Variants in KCNQ1 observed in about 807,000 individuals in gnomAD.
KCNQ1 encodes the protein potassium voltage-gated channel subfamily KQT member 1.
Under a neutral mutation model 72.4 loss-of-function variants are expected in KCNQ1, and 49 were observed. That is an observed-to-expected ratio of 0.68 (90% CI 0.54 to 0.86). The LOEUF (loss-of-function observed/expected upper bound fraction) is 0.86. Among genes scored for constraint, KCNQ1 ranks in the 40% least tolerant of loss-of-function variants. The pLI is 0.00. For synonymous variants in KCNQ1, 450 were observed against 412.6 expected, an observed-to-expected ratio of 1.09 and a Z score of -1.10; for missense variants, 790 against 945.1, an observed-to-expected ratio of 0.84 and a Z score of 2.15.
rs1564855456 is a variant in KCNQ1, at chr11:2,678,413, CTATT to C, written c.1514+16338_1514+16341del. The C allele has an allele frequency of 5.0e-6, 2 of 398,574 alleles. No individual in the cohort carries two copies. Among genetic ancestry groups the C allele is most frequent in the South Asian group, 1.3e-4 (1 of 7,860 alleles). 24.7% of individuals were successfully genotyped at this position (398,574 alleles called of 1,614,324 possible). ...CATATATTTGTCCAGTTGTCCAACA[CTATT>C]TATTTGAGTACATCATCATCTCTCT... On this transcript the variant is annotated intron_variant, in intron 11 of 15. Transcript: ENST00000155840. This position sits in a 1 kb window ranked among gnomAD's most constrained non-coding sequence, Gnocchi z 4.9.
chr11:2,650,399 T>A (rs1849739064), intron 10 of KCNQ1: 1 of 398,488 alleles, frequency 2.5e-6, no homozygotes, highest in African/African-American at 2.1e-5. Context: ...TTTTATGGAG[T>A]AGCCTTAGTA....
rs148456739 is a variant in KCNQ1 at position 2,521,994 on chromosome 11, G to A, written c.387-5934G>A. On this transcript the variant is annotated intron_variant, in intron 1 of 15. Coordinates refer to ENST00000155840, the MANE Select transcript of KCNQ1 (RefSeq NM_000218.3). ...CACCCCGGGGGAGCCCTCCCACAGC[G>A]TCTCGGGCTATGACCCTGGCAGGGT... 4.6e-5 allele frequency among the ~76,000 whole-genome samples: 7 copies of A among 152,356 alleles called. No individual in the cohort carries two copies. The South Asian group carries it at 1.2e-3, about 27-fold the overall frequency.
rs1183398967 is a variant in KCNQ1 at position 2,815,516 on chromosome 11, C to T, written c.1795-32251C>T. 1.3e-5 allele frequency among the ~76,000 whole-genome samples: 2 copies of T among 152,104 alleles called. No homozygotes were observed. The highest frequency in any genetic ancestry group is 2.1e-4 in the South Asian group (1 of 4,822). The stretch of plus-strand genomic sequence containing the variant: ...CAAACACCTGATCTCAGCTCAGGAT[C>T]GCCACTCCAGTGCCCCATCCCAGAG... On this transcript the variant is annotated intron_variant, in intron 15 of 15. Transcript: ENST00000155840. This position sits in a 1 kb window ranked among gnomAD's most constrained non-coding sequence, Gnocchi z 5.4.
Position 2,456,786 on chromosome 11 carries a change from A to G in KCNQ1, c.386+11302A>G, listed in dbSNP as rs1175980817. ...AATCCAAAAAAAAAAAAAAAAAAAA[A>G]AAATTAGCCGGGCGTGGGGGTGGGC... On this transcript the variant is annotated intron_variant, in intron 1 of 15. Coordinates refer to ENST00000155840, the MANE Select transcript of KCNQ1 (RefSeq NM_000218.3). Among the ~76,000 whole-genome samples the G allele has an allele frequency of 8.0e-5, 11 of 137,806 alleles. 1 individual carries two copies. The East Asian group carries it at 1.6e-3, about 20-fold the overall frequency. The allele number at this position is 137,806 out of a possible 152,430, so 90.4% of individuals were successfully genotyped here. A position where few individuals can be genotyped will look rare whatever the true frequency, so the allele number is the denominator to read the frequency against.
chr11:2,834,124 G>A (rs982417924), intron 15 of KCNQ1, among the ~76,000 whole-genome samples: 6 of 152,188 alleles, frequency 3.9e-5, no homozygotes, highest in East Asian at 1.9e-4. Flanking sequence ...TGTGCCTGGC[G>A]TGGCTGTGTG....
chr11:2,824,262 G>A lies in KCNQ1; in HGVS notation c.1795-23505G>A, dbSNP rs868736095. ...GAGGGGAGGTGGGTGAGGAGGCTAC[G>A]CAGAGGCCCTGGGAGGAGGGAGGCT... On this transcript the variant is annotated intron_variant, in intron 15 of 15. Coordinates refer to ENST00000155840, the MANE Select transcript of KCNQ1 (RefSeq NM_000218.3). The surrounding 1 kb of genome is among the most constrained non-coding windows in gnomAD (Gnocchi z 5.9). 2.6e-5 allele frequency among the ~76,000 whole-genome samples: 4 copies of A among 152,112 alleles called. No homozygotes were observed. The highest frequency in any genetic ancestry group is 2.1e-4 in the South Asian group (1 of 4,828).
At position 2,619,255 on chromosome 11, in the gene KCNQ1, G is replaced by T. The variant is rs564678727; in HGVS notation, c.1393+30401G>T. ...GAGTGGGCATCCTTGCCTTGTACTG[G>T]TTCATAGTAGAAGGGCTTCTGTTTT... On this transcript the variant is annotated intron_variant, in intron 10 of 15. Transcript: ENST00000155840. The T allele has an allele frequency of 8.5e-4, 340 of 398,490 alleles. 1 individual carries two copies. The highest frequency in any genetic ancestry group is 4.4e-3 in the Middle Eastern group (7 of 1,584). The allele number at this position is 398,490 out of a possible 1,614,324, so 24.7% of individuals were successfully genotyped here. A position where few individuals can be genotyped will look rare whatever the true frequency, so the allele number is the denominator to read the frequency against.
chr11:2,673,343 C>T lies in KCNQ1; in HGVS notation c.1514+11262C>T, dbSNP rs1461558289. ...CCAGGCCAGCTTTTGGAAACAGTCT[C>T]ATTAGCAAACAAAGGGAAGTGACAG... is the stretch of plus-strand genomic sequence containing the variant. On this transcript the variant is annotated intron_variant, in intron 11 of 15. Transcript: ENST00000155840. This position sits in a 1 kb window ranked among gnomAD's most constrained non-coding sequence, Gnocchi z 4.5. 2.5e-6 allele frequency: 1 copy of T among 398,610 alleles called. No individual in the cohort carries two copies. The highest frequency in any genetic ancestry group is 6.2e-4 in the Middle Eastern group (1 of 1,610). The allele number at this position is 398,610 out of a possible 1,614,324, so 24.7% of individuals were successfully genotyped here. A position where few individuals can be genotyped will look rare whatever the true frequency, so the allele number is the denominator to read the frequency against.
At position 2,848,209 on chromosome 11, in the gene KCNQ1, G is replaced by A; in HGVS notation, c.*206G>A. On this transcript the variant is annotated 3_prime_UTR_variant, in exon 16 of 16. Coordinates refer to ENST00000155840, the MANE Select transcript of KCNQ1 (RefSeq NM_000218.3). The stretch of plus-strand genomic sequence containing the variant: ...GGCCACCTCTTCCTGGCCGGTGTGG[G>A]GGCCCCGTCTCAGGTCTGAGTTGTT... The A allele has an allele frequency of 1.5e-6, 1 of 673,862 alleles. No individual in the cohort carries two copies. The highest frequency in any genetic ancestry group is 1.8e-5 in the African/African-American group (1 of 56,404). The allele number at this position is 673,862 out of a possible 1,614,324, so 41.7% of individuals were successfully genotyped here. A position where few individuals can be genotyped will look rare whatever the true frequency, so the allele number is the denominator to read the frequency against.
At chr11:2,721,833 C>T (rs1851207848) in intron 11 of KCNQ1, among the ~76,000 whole-genome samples, 1 of 152,244 alleles carries the variant, frequency 6.6e-6, no homozygotes, top group Non-Finnish European at 1.5e-5. Flanking sequence ...GTCTGTCCAT[C>T]CATCCATCTG....
Position 2,670,745 on chromosome 11 carries a change from G to A in KCNQ1, c.1514+8664G>A, listed in dbSNP as rs1850169311. 1.0e-5 allele frequency: 4 copies of A among 398,474 alleles called. No individual in the cohort carries two copies. Among genetic ancestry groups the A allele is most frequent in the Non-Finnish European group, 1.3e-5 (3 of 226,088 alleles). The allele number at this position is 398,474 out of a possible 1,614,324, so 24.7% of individuals were successfully genotyped here. On this transcript the variant is annotated intron_variant, in intron 11 of 15. Transcript: ENST00000155840. This position sits in a 1 kb window ranked among gnomAD's most constrained non-coding sequence, Gnocchi z 4.9. ...GGGAACAGTCTGCAGATATTATCTG[G>A]GCACTGGCCAGTGGCTCTTGTGGCT... is the stretch of plus-strand genomic sequence containing the variant.
intron 1 of KCNQ1, among the ~76,000 whole-genome samples, chr11:2,456,773 A>C (rs1201404114): frequency 6.8e-4 from 68 of 99,350 alleles, no homozygotes; most frequent in African/African-American, 3.2e-3. Context: ...TCCAAAAAAA[A>C]AAAAAAAAAA....
intron 6 of KCNQ1, among the ~76,000 whole-genome samples, chr11:2,578,586 C>A (rs779064681): frequency 5.3e-5 from 8 of 152,252 alleles, no homozygotes; most frequent in Non-Finnish European, 8.8e-5. Context: ...TGGCCCAGAG[C>A]CTCCATGAAG....
At chr11:2,701,128 C>G (rs1003516059) in intron 11 of KCNQ1, among the ~76,000 whole-genome samples, 1 of 152,210 alleles carries the variant, frequency 6.6e-6, no homozygotes, top group South Asian at 2.1e-4. Flanking sequence ...CACCAAGGCA[C>G]GCAAGGAGGC....
At chr11:2,561,829 G>A (rs1470149378) in intron 2 of KCNQ1, among the ~76,000 whole-genome samples, 1 of 152,218 alleles carries the variant, frequency 6.6e-6, no homozygotes, top group Non-Finnish European at 1.5e-5. Context: ...GAGGAGGTGG[G>A]CCTGTTCCAG....
intron 10 of KCNQ1, among the ~76,000 whole-genome samples, chr11:2,606,143 G>C (rs1318193882): frequency 1.3e-5 from 2 of 152,064 alleles, no homozygotes; most frequent in Non-Finnish European, 2.9e-5. Context: ...GTTATACATG[G>C]AATTGTTTTC....
rs571996700 is a variant in KCNQ1, at chr11:2,454,766, C to T, written c.386+9282C>T. 7.2e-5 allele frequency among the ~76,000 whole-genome samples: 11 copies of T among 152,284 alleles called. No homozygotes were observed. In the South Asian group the frequency reaches 2.3e-3, roughly 32 times the overall value. ...TCAACAAAAATAGGCATCAAAGGAA[C>T]ATATCTCAATAAGAGCCATCTATGA... On this transcript the variant is annotated intron_variant, in intron 1 of 15. Coordinates refer to ENST00000155840, the MANE Select transcript of KCNQ1 (RefSeq NM_000218.3).
rs376037037 is a variant in KCNQ1, at chr11:2,447,405, C to T, written c.386+1921C>T. On this transcript the variant is annotated intron_variant, in intron 1 of 15. Coordinates refer to ENST00000155840, the MANE Select transcript of KCNQ1 (RefSeq NM_000218.3). This position sits in a 1 kb window ranked among gnomAD's most constrained non-coding sequence, Gnocchi z 7.6. ...GGGTCCTGTCCTTGTAAGACGTGTG[C>T]CTGGCCCTGGGAAGTTGTCATGAAC... 2.6e-5 allele frequency among the ~76,000 whole-genome samples: 4 copies of T among 152,144 alleles called. No homozygotes were observed. Among genetic ancestry groups the T allele is most frequent in the East Asian group, 3.9e-4 (2 of 5,162 alleles).
At position 2,785,768 on chromosome 11, in the gene KCNQ1, T is replaced by C. The variant is rs563666867; in HGVS notation, c.1794+7731T>C. On this transcript the variant is annotated intron_variant, in intron 15 of 15. Coordinates refer to ENST00000155840, the MANE Select transcript of KCNQ1 (RefSeq NM_000218.3). The surrounding 1 kb of genome is among the most constrained non-coding windows in gnomAD (Gnocchi z 4.4). ...AGATTATTACTTCTCATTCTACTTT[T>C]CTCTCTACTGGTTTTGAAGTTATGT... Among the ~76,000 whole-genome samples the C allele has an allele frequency of 6.6e-6, 1 of 152,146 alleles. No individual in the cohort carries two copies. The highest frequency in any genetic ancestry group is 2.1e-4 in the South Asian group (1 of 4,830).
Sources: allele counts gnomAD v4.1 joint callset (sites outside exome capture counted in the v4.1 genomes callset), GRCh38; gene constraint gnomAD v4.1.1; non-coding constraint Gnocchi (gnomAD v3.1); transcripts MANE v1.5; gene names NCBI Gene and HGNC (gene_info 2026-07-23, HGNC 2026-07-21).